The following RAPGEF6 variants were observed in gnomAD, a reference collection of about 807,000 sequenced individuals.
RAPGEF6 encodes Rap guanine nucleotide exchange factor 6, also known as PDZ domain containing guanine nucleotide exchange factor (GEF) 2.
RAPGEF6 carries 56 observed loss-of-function variants against 171.4 expected under a neutral mutation model. That is an observed-to-expected ratio of 0.33 (90% confidence interval 0.26 to 0.41). The LOEUF (loss-of-function observed/expected upper bound fraction) is 0.41, where lower values mean the gene tolerates loss of function less well. RAPGEF6 is among the 10% of genes least tolerant of loss of function. The probability of loss-of-function intolerance (pLI) is 1.00; values close to 1 mark genes in which losing one functional copy is unlikely to be tolerated. For missense variants in RAPGEF6, 1,674 were observed against 1,921.4 expected, an observed-to-expected ratio of 0.87 and a Z score of 2.41; for synonymous variants, 692 against 650.1, an observed-to-expected ratio of 1.06 and a Z score of -0.98.
In RAPGEF6 at chr5:131,424,855, G is replaced by C. The variant is rs1181060444; in HGVS notation, c.*2411C>G. On this transcript the variant is annotated 3_prime_UTR_variant, in exon 28 of 28. Transcript: ENST00000509018. ...TCTTGGCAGATTGAGAGTTGTGGCA[G>C]GAAGAGAGGGCACTAGTCTCTTCAT... 1 of 152,298 alleles carries C rather than the reference G, an allele frequency of 6.6e-6. No homozygotes were observed. The highest frequency in any genetic ancestry group is 1.5e-5 in the Non-Finnish European group (1 of 68,022). 9.4% of individuals were successfully genotyped at this position (152,298 alleles called of 1,614,324 possible).
chr5:131,521,574 A>G (rs1341191346), intron 6 of RAPGEF6, 53 bp from the exon 7 acceptor site: 1 of 1,540,000 alleles, frequency 6.5e-7, no homozygotes, highest in East Asian at 2.3e-5. Context: ...TACCTTTTTA[A>G]GCGGTTTCGA....
At chr5:131,564,369 C>T (rs955981255) in intron 4 of RAPGEF6, among the ~76,000 whole-genome samples, 5 of 152,058 alleles carry the variant, frequency 3.3e-5, no homozygotes, top group East Asian at 1.9e-4. Flanking sequence ...AGAGGAAAGA[C>T]GACATAATAC....
intron 7 of RAPGEF6, among the ~76,000 whole-genome samples, chr5:131,513,901 G>T (rs552287192): frequency 6.6e-6 from 1 of 152,116 alleles, no homozygotes; most frequent in Non-Finnish European, 1.5e-5. Flanking sequence ...GGTGGCACAT[G>T]CCTGCACTCC....
At chr5:131,585,223 T>G (rs938663286) in intron 4 of RAPGEF6, among the ~76,000 whole-genome samples, 1 of 149,778 alleles carries the variant, frequency 6.7e-6, no homozygotes, top group Non-Finnish European at 1.5e-5. Flanking sequence ...CAATTCCAGG[T>G]AGACTACAGA....
intron 16 of RAPGEF6, among the ~76,000 whole-genome samples, chr5:131,474,719 T>C (rs1315250195): frequency 1.3e-5 from 2 of 152,122 alleles, no homozygotes; most frequent in Non-Finnish European, 2.9e-5. Flanking sequence ...TAAGGTTAGG[T>C]AAGAGAAAAT....
intron 15 of RAPGEF6, among the ~76,000 whole-genome samples, chr5:131,484,191 T>C (rs770031363): frequency 1.3e-5 from 2 of 149,948 alleles, no homozygotes; most frequent in South Asian, 4.2e-4. Context: ...TATATCAAAA[T>C]TTAAAAGACT....
At chr5:131,485,765 G>A (rs1755843192) in intron 15 of RAPGEF6, among the ~76,000 whole-genome samples, 1 of 152,132 alleles carries the variant, frequency 6.6e-6, no homozygotes, top group East Asian at 1.9e-4. Flanking sequence ...ATGAAGGGTG[G>A]TGTGTGTTTA....
intron 25 of RAPGEF6, 131 bp from the exon 26 acceptor site, chr5:131,431,480 G>A (rs1211045234): frequency 1.1e-5 from 10 of 941,412 alleles, no homozygotes; most frequent in Admixed American, 2.6e-5. Context: ...AACATCGTGA[G>A]GAAAACAATA....
At chr5:131,460,764 T>C (rs915949271) in intron 19 of RAPGEF6, among the ~76,000 whole-genome samples, 2 of 152,178 alleles carry the variant, frequency 1.3e-5, no homozygotes, top group Non-Finnish European at 2.9e-5. Flanking sequence ...TTGTAGACAC[T>C]GGTTAATTTA....
At chr5:131,624,387 G>A (rs1405982105) in intron 1 of RAPGEF6, among the ~76,000 whole-genome samples, 1 of 152,200 alleles carries the variant, frequency 6.6e-6, no homozygotes, top group African/African-American at 2.4e-5. Context: ...ATAAAGGATA[G>A]ATAATCAGAT....
Position 131,484,392 on chromosome 5 carries a change from A to G in RAPGEF6, c.1841-4639T>C, listed in dbSNP as rs184126918. Among the ~76,000 whole-genome samples the G allele has an allele frequency of 4.8e-3, 721 of 151,706 alleles. 5 individuals are homozygous for G. The highest frequency in any genetic ancestry group is 0.017 in the African/African-American group (683 of 41,382). On this transcript the variant is annotated intron_variant, in intron 15 of 27. Coordinates refer to ENST00000509018, the MANE Select transcript of RAPGEF6 (RefSeq NM_016340.6). The stretch of plus-strand genomic sequence containing the variant: ...CAGGTGCATGCCACCACACCCAGCT[A>G]ATTTTTGTATTTTTAGTAGAGACAG...
chr5:131,460,030 C>G (rs1047184420), intron 19 of RAPGEF6, among the ~76,000 whole-genome samples: 2 of 152,062 alleles, frequency 1.3e-5, no homozygotes, highest in African/African-American at 4.8e-5. Context: ...CTTTGATCTA[C>G]CTGAACATGA....
intron 4 of RAPGEF6, among the ~76,000 whole-genome samples, chr5:131,590,573 C>G (rs370650001): frequency 6.6e-6 from 1 of 152,096 alleles, no homozygotes; most frequent in South Asian, 2.1e-4. Context: ...CTACAATAGC[C>G]TATTATAAAT....
At chr5:131,566,780 A>G (rs1007697578) in intron 4 of RAPGEF6, among the ~76,000 whole-genome samples, 1 of 149,044 alleles carries the variant, frequency 6.7e-6, no homozygotes, top group African/African-American at 2.5e-5. Context: ...TCTTTGCAAG[A>G]TTTGCCCAAT....
intron 4 of RAPGEF6, among the ~76,000 whole-genome samples, chr5:131,562,907 C>T (rs574758154): frequency 2.2e-4 from 34 of 152,092 alleles, no homozygotes; most frequent in African/African-American, 8.2e-4. Flanking sequence ...GTTGGAGTCA[C>T]AGCTCTTTGG....
At chr5:131,629,264 G>C (rs1346405841) in intron 1 of RAPGEF6, among the ~76,000 whole-genome samples, 1 of 151,966 alleles carries the variant, frequency 6.6e-6, no homozygotes, top group South Asian at 2.1e-4. Flanking sequence ...AGGATCACTT[G>C]AGCCTAGGAG....
chr5:131,589,239 A>G (rs1763446223), intron 4 of RAPGEF6, among the ~76,000 whole-genome samples: 1 of 152,218 alleles, frequency 6.6e-6, no homozygotes, highest in African/African-American at 2.4e-5. Flanking sequence ...AGAGATATGA[A>G]CTATAGCCTT....
chr5:131,629,346 A>G (rs1766148025), intron 1 of RAPGEF6, among the ~76,000 whole-genome samples: 1 of 152,040 alleles, frequency 6.6e-6, no homozygotes, highest in South Asian at 2.1e-4. Flanking sequence ...GCATGGGAGG[A>G]GGTCAAAATA....
Position 131,461,881 on chromosome 5 carries a change from T to C in RAPGEF6, c.2688A>G (p.Gly896=). The C allele has an allele frequency of 1.9e-6, 3 of 1,614,130 alleles. No individual in the cohort carries two copies. The highest frequency in any genetic ancestry group is 1.7e-6 in the Non-Finnish European group (2 of 1,179,984). The change falls in exon 19 of 28, where the codon GGA becomes GGG. Residue 896 remains glycine, a synonymous_variant. Coordinates refer to ENST00000509018, the MANE Select transcript of RAPGEF6 (RefSeq NM_016340.6). ...DDLFKLNSKT[G]NTHLKRFEDI... is the part of the protein sequence containing the mutation. ...CCTCAAACCTCTTCAAATGAGTATT[T>C]CCTGTTTTGGAATTTAACTTAAAAA...
Sources: allele counts gnomAD v4.1 joint callset (sites outside exome capture counted in the v4.1 genomes callset), GRCh38; gene constraint gnomAD v4.1.1; transcripts MANE v1.5; gene names NCBI Gene and HGNC (gene_info 2026-07-23, HGNC 2026-07-21).